The following PDZRN4 variants were observed in gnomAD, a reference collection of about 807,000 sequenced individuals.
The protein encoded by PDZRN4 is PDZ domain-containing RING finger protein 4.
In PDZRN4, 70 loss-of-function variants were observed where a neutral mutation model predicts 99.0. The observed-to-expected ratio is 0.71, with a 90% confidence interval of 0.58 to 0.86. PDZRN4 has a LOEUF of 0.86. Ranked by LOEUF, PDZRN4 falls within the 40% of genes least tolerant of loss-of-function variation. The probability of loss-of-function intolerance (pLI) is 0.00; values close to 1 mark genes in which losing one functional copy is unlikely to be tolerated. For synonymous variants in PDZRN4, 551 were observed against 501.6 expected (o/e 1.10, Z -1.32); for missense variants, 1,474 against 1,331.2 (o/e 1.11, Z -1.67).
intron 3 of PDZRN4, among the ~76,000 whole-genome samples, chr12:41,276,800 G>C (rs1160875372): frequency 6.6e-6 from 1 of 152,100 alleles, no homozygotes; most frequent in Non-Finnish European, 1.5e-5. Context: ...TGCCAGGCAG[G>C]AATGTTAGCT....
intron 3 of PDZRN4, among the ~76,000 whole-genome samples, chr12:41,280,984 G>T (rs914904790): frequency 1.3e-5 from 2 of 152,158 alleles, no homozygotes; most frequent in African/African-American, 4.8e-5. Context: ...CATCTGGCAG[G>T]TTCCCCTCTG....
chr12:41,402,375 C>T (rs757004003), intron 3 of PDZRN4, among the ~76,000 whole-genome samples: 13 of 14 alleles, frequency 0.93, 6 homozygotes, highest in African/African-American at 1. Flanking sequence ...TATATATATA[C>T]ACACACTGTG....
chr12:41,403,066 T>C (rs1952315566), intron 3 of PDZRN4, among the ~76,000 whole-genome samples: 1 of 152,112 alleles, frequency 6.6e-6, no homozygotes. Flanking sequence ...TAATAACTTT[T>C]AAAAATTCAG....
intron 3 of PDZRN4, among the ~76,000 whole-genome samples, chr12:41,238,819 C>T (rs1174826822): frequency 6.6e-6 from 1 of 152,116 alleles, no homozygotes; most frequent in East Asian, 1.9e-4. Context: ...ACAACAGATG[C>T]TGGCGAGGTT....
intron 3 of PDZRN4, among the ~76,000 whole-genome samples, chr12:41,418,829 G>T (rs374843486): frequency 7.9e-5 from 12 of 152,154 alleles, no homozygotes; most frequent in Non-Finnish European, 1.5e-4. Flanking sequence ...GGTGACCAGC[G>T]TAGGGTGTAG....
intron 3 of PDZRN4, among the ~76,000 whole-genome samples, chr12:41,422,567 A>G (rs1467882316): frequency 2.0e-5 from 3 of 152,130 alleles, no homozygotes; most frequent in Admixed American, 6.6e-5. Flanking sequence ...AGGGGAAGCA[A>G]GGACCTTCTT....
chr12:41,433,734 T>C (rs1386889223), intron 3 of PDZRN4, among the ~76,000 whole-genome samples: 1 of 152,190 alleles, frequency 6.6e-6, no homozygotes, highest in Non-Finnish European at 1.5e-5. Context: ...TCAATGGGAT[T>C]GGTGATTCAG....
At chr12:41,383,629 G>C (rs1250668122) in intron 3 of PDZRN4, among the ~76,000 whole-genome samples, 3 of 152,070 alleles carry the variant, frequency 2.0e-5, no homozygotes, top group African/African-American at 7.2e-5. Context: ...TCATAACTCT[G>C]TTATTAATGT....
chr12:41,245,173 A>G (rs1314116241), intron 3 of PDZRN4, among the ~76,000 whole-genome samples: 1 of 151,956 alleles, frequency 6.6e-6, no homozygotes, highest in Non-Finnish European at 1.5e-5. Flanking sequence ...TGTGTATTAT[A>G]TATATATTGG....
intron 3 of PDZRN4, among the ~76,000 whole-genome samples, chr12:41,226,182 A>G (rs1950993502): frequency 2.0e-5 from 3 of 151,904 alleles, no homozygotes; most frequent in South Asian, 2.1e-4. Context: ...TCCCTGGCCC[A>G]TTTGCTCACC....
intron 3 of PDZRN4, among the ~76,000 whole-genome samples, chr12:41,213,699 A>C (rs1313648970): frequency 1.3e-5 from 2 of 152,114 alleles, no homozygotes; most frequent in Non-Finnish European, 2.9e-5. Context: ...TCCTGATGAC[A>C]ATAAGGGACT....
chr12:41,232,038 G>A (rs1485933805), intron 3 of PDZRN4, among the ~76,000 whole-genome samples: 6 of 151,756 alleles, frequency 4.0e-5, no homozygotes, highest in South Asian at 2.1e-4. Context: ...AAACAAAGAC[G>A]AGGTATATAA....
chr12:41,252,502 C>T (rs977688497), intron 3 of PDZRN4, among the ~76,000 whole-genome samples: 4 of 152,116 alleles, frequency 2.6e-5, no homozygotes, highest in Non-Finnish European at 5.9e-5. Context: ...AATCCCAGCC[C>T]TTTGGGAGGC....
chr12:41,280,470 A>G (rs2120882516), intron 3 of PDZRN4, among the ~76,000 whole-genome samples: 1 of 152,302 alleles, frequency 6.6e-6, no homozygotes, highest in Middle Eastern at 3.4e-3. Flanking sequence ...ACTGGTTGAA[A>G]TTCTGGCTGC....
At chr12:41,552,399 T>C (rs528642819) in intron 5 of PDZRN4, among the ~76,000 whole-genome samples, 196 of 152,326 alleles carry the variant, frequency 1.3e-3, no homozygotes, top group African/African-American at 4.6e-3. Flanking sequence ...TAAGGAGTTT[T>C]GCATTGACAG....
At chr12:41,296,495 C>T (rs1270120282) in intron 3 of PDZRN4, among the ~76,000 whole-genome samples, 1 of 152,094 alleles carries the variant, frequency 6.6e-6, no homozygotes, top group Non-Finnish European at 1.5e-5. Flanking sequence ...GAAAAATTCC[C>T]AAGAAAGCTT....
At chr12:41,375,561 G>T (rs1689086072) in intron 3 of PDZRN4, among the ~76,000 whole-genome samples, 1 of 152,094 alleles carries the variant, frequency 6.6e-6, no homozygotes, top group South Asian at 2.1e-4. Context: ...TTAAAACCCT[G>T]AGAAGTTAAC....
chr12:41,428,781 C>T (rs890270013), intron 3 of PDZRN4, among the ~76,000 whole-genome samples: 4 of 152,080 alleles, frequency 2.6e-5, no homozygotes, highest in African/African-American at 9.7e-5. Flanking sequence ...ATTAGAAACT[C>T]CAGACGCTCA....
At chr12:41,570,195 T>C (rs1939449515) in intron 9 of PDZRN4, among the ~76,000 whole-genome samples, 1 of 152,176 alleles carries the variant, frequency 6.6e-6, no homozygotes, top group South Asian at 2.1e-4. Flanking sequence ...TTCTTCACCA[T>C]GAGACTAAAA....
Sources: gnomAD v4.1 joint callset for allele counts (sites outside exome capture counted in the v4.1 genomes callset) on GRCh38, gnomAD v4.1.1 for gene constraint, MANE v1.5 for transcripts, NCBI Gene and HGNC (gene_info 2026-07-23, HGNC 2026-07-21) for gene names.